The following PDE7B variants were observed in gnomAD, a reference collection of about 807,000 sequenced individuals.
PDE7B encodes 3',5'-cyclic-AMP phosphodiesterase 7B.
PDE7B carries 29 observed loss-of-function variants against 56.2 expected under a neutral mutation model. That is an observed-to-expected ratio of 0.52 (90% confidence interval 0.38 to 0.70). The LOEUF is 0.70. Ranked by LOEUF, PDE7B falls within the 30% of genes least tolerant of loss-of-function variation. The pLI is 0.00. For synonymous variants in PDE7B, 197 were observed against 196.9 expected, an observed-to-expected ratio of 1.00 and a Z score of 0.00; for missense variants, 490 against 565.0, an observed-to-expected ratio of 0.87 and a Z score of 1.35.
In PDE7B at chr6:135,982,590, T is replaced by C. The variant is rs190077802; in HGVS notation, c.82+35066T>C. ...TGTGTTTCTTAAACTTTGACATGCA[T>C]ATACATCACCTGGTCATCTGCTTTA... On this transcript the variant is annotated intron_variant, in intron 2 of 12. Transcript: ENST00000308191. Among the ~76,000 whole-genome samples, 173 of 152,280 alleles carry C rather than the reference T, an allele frequency of 1.1e-3. 1 individual carries two copies. Among genetic ancestry groups the C allele is most frequent in the Non-Finnish European group, 2.2e-3 (148 of 68,022 alleles).
chr6:136,040,565 T>C (rs1776397031), intron 2 of PDE7B, among the ~76,000 whole-genome samples: 1 of 152,194 alleles, frequency 6.6e-6, no homozygotes, highest in African/African-American at 2.4e-5. Flanking sequence ...TTACAGACTA[T>C]TTCAAAACTT....
At chr6:135,929,160 G>T (rs1774252396) in intron 1 of PDE7B, among the ~76,000 whole-genome samples, 1 of 152,088 alleles carries the variant, frequency 6.6e-6, no homozygotes, top group Admixed American at 6.6e-5. Context: ...TCAAGTCATT[G>T]TTTTTGTTCA....
At chr6:135,900,166 T>G (rs1254416973) in intron 1 of PDE7B, among the ~76,000 whole-genome samples, 1 of 152,196 alleles carries the variant, frequency 6.6e-6, no homozygotes, top group East Asian at 1.9e-4. Context: ...TTTGTTAGCA[T>G]GAAGTCTTCT....
At chr6:136,135,581 T>A (rs1778198774) in intron 3 of PDE7B, among the ~76,000 whole-genome samples, 2 of 152,036 alleles carry the variant, frequency 1.3e-5, no homozygotes, top group African/African-American at 4.8e-5. Flanking sequence ...CTACCCATCA[T>A]TTTCTGACCA....
chr6:136,154,410 T>A (rs1437331491), intron 7 of PDE7B, among the ~76,000 whole-genome samples: 1 of 117,578 alleles, frequency 8.5e-6, no homozygotes, highest in Non-Finnish European at 1.6e-5. Context: ...TGAGGCTGTA[T>A]TTGGACAAAA....
intron 2 of PDE7B, among the ~76,000 whole-genome samples, chr6:135,955,081 C>G (rs1224277500): frequency 6.6e-6 from 1 of 152,104 alleles, no homozygotes; most frequent in Non-Finnish European, 1.5e-5. Flanking sequence ...GACCTATCAG[C>G]CTTACACAAA....
rs143393932 is a variant in PDE7B, at chr6:136,056,059, G to A, written c.83-52672G>A. Among the ~76,000 whole-genome samples the A allele has an allele frequency of 6.4e-4, 98 of 152,328 alleles. 1 individual carries two copies. The highest frequency in any genetic ancestry group is 2.3e-3 in the African/African-American group (97 of 41,584). ...AGAAGACGGGAGCTAGATAATGCCAGAGGTGGCACAGAGAATGAGGGGAAA... is the reference window on the plus strand; with the variant it reads ...AGAAGACGGGAGCTAGATAATGCCAAAGGTGGCACAGAGAATGAGGGGAAA... On this transcript the variant is annotated intron_variant, in intron 2 of 12. Coordinates refer to ENST00000308191, the MANE Select transcript of PDE7B (RefSeq NM_018945.4).
At chr6:136,157,379 G>C (rs1778626530) in intron 8 of PDE7B, among the ~76,000 whole-genome samples, 1 of 152,058 alleles carries the variant, frequency 6.6e-6, no homozygotes, top group Non-Finnish European at 1.5e-5. Flanking sequence ...TCAGTAGTTG[G>C]ACAGCCTGGC....
Position 136,012,073 on chromosome 6 carries a change from C to T in PDE7B, c.82+64549C>T, listed in dbSNP as rs372413787. Among the ~76,000 whole-genome samples the T allele has an allele frequency of 7.2e-5, 11 of 152,188 alleles. No individual in the cohort carries two copies. In the East Asian group the frequency reaches 1.7e-3, roughly 24 times the overall value. On this transcript the variant is annotated intron_variant, in intron 2 of 12. Transcript: ENST00000308191. ...GCTCCTGAACAACCCCTTTAACTTC[C>T]TTGTTCTACTTGCCCTGGCTCAAAC...
Position 135,971,857 on chromosome 6 carries a change from G to A in PDE7B, c.82+24333G>A, listed in dbSNP as rs139878618. ...AAGTATGAAACCTTATGTAAATTTA[G>A]TTGTGGCAGCTGTTTTCTCATTGTT... On this transcript the variant is annotated intron_variant, in intron 2 of 12. Coordinates refer to ENST00000308191, the MANE Select transcript of PDE7B (RefSeq NM_018945.4). 1.1e-3 allele frequency among the ~76,000 whole-genome samples: 165 copies of A among 152,292 alleles called. 2 individuals are homozygous for A. Among genetic ancestry groups the A allele is most frequent in the African/African-American group, 3.8e-3 (156 of 41,568 alleles).
chr6:135,867,309 A>G (rs1382119752), intron 1 of PDE7B, among the ~76,000 whole-genome samples: 1 of 152,232 alleles, frequency 6.6e-6, no homozygotes, highest in Non-Finnish European at 1.5e-5. Flanking sequence ...AACAGAAATT[A>G]GAAAATTAAA....
At chr6:135,941,167 G>A (rs947748557) in intron 1 of PDE7B, among the ~76,000 whole-genome samples, 3 of 152,176 alleles carry the variant, frequency 2.0e-5, no homozygotes, top group African/African-American at 7.2e-5. Flanking sequence ...CGGACAAGAT[G>A]TACTTTACTT....
intron 11 of PDE7B, 147 bp from the exon 12 acceptor site, chr6:136,186,889 G>A (rs578136601): frequency 1.8e-5 from 11 of 624,162 alleles, no homozygotes; most frequent in African/African-American, 7.5e-5. Flanking sequence ...AGAGCAAGTC[G>A]GTGCTGAAGG....
At chr6:135,978,905 C>T (rs1437765288) in intron 2 of PDE7B, among the ~76,000 whole-genome samples, 2 of 151,900 alleles carry the variant, frequency 1.3e-5, no homozygotes, top group Non-Finnish European at 2.9e-5. Flanking sequence ...CCAGAACTTC[C>T]AACACTATGT....
intron 8 of PDE7B, among the ~76,000 whole-genome samples, chr6:136,159,364 G>A (rs1426990442): frequency 6.6e-6 from 1 of 152,174 alleles, no homozygotes; most frequent in African/African-American, 2.4e-5. Context: ...TTGACTTTCT[G>A]TTCCATAAAG....
chr6:136,073,120 G>A (rs536523812), intron 2 of PDE7B, among the ~76,000 whole-genome samples: 7 of 152,166 alleles, frequency 4.6e-5, no homozygotes, highest in African/African-American at 1.4e-4. Context: ...TGGTGGCGTC[G>A]GCAGGGATGG....
chr6:136,073,215 C>A (rs1452854974), intron 2 of PDE7B, among the ~76,000 whole-genome samples: 1 of 152,188 alleles, frequency 6.6e-6, no homozygotes, highest in African/African-American at 2.4e-5. Context: ...AGTCCATAAA[C>A]TCAACGTGTG....
chr6:136,080,585 T>C (rs1292421464), intron 2 of PDE7B, among the ~76,000 whole-genome samples: 4 of 152,218 alleles, frequency 2.6e-5, no homozygotes, highest in Non-Finnish European at 5.9e-5. Flanking sequence ...TTGTAAACTG[T>C]CATATCTCTG....
chr6:136,080,471 A>T (rs1777189331), intron 2 of PDE7B, among the ~76,000 whole-genome samples: 1 of 152,196 alleles, frequency 6.6e-6, no homozygotes, highest in Non-Finnish European at 1.5e-5. Context: ...TGGAAATATG[A>T]GAAAAAGAAA....
Sources: gnomAD v4.1 joint callset for allele counts (sites outside exome capture counted in the v4.1 genomes callset) on GRCh38, gnomAD v4.1.1 for gene constraint, MANE v1.5 for transcripts, NCBI Gene and HGNC (gene_info 2026-07-23, HGNC 2026-07-21) for gene names.